Variants in PTPRK observed in about 807,000 individuals in gnomAD.
PTPRK encodes protein tyrosine phosphatase receptor type K.
PTPRK carries 75 observed loss-of-function variants against 178.0 expected under a neutral mutation model. That is an observed-to-expected ratio of 0.42 (90% CI 0.35 to 0.51). The LOEUF is 0.51. Ranked by LOEUF, PTPRK falls within the 20% of genes least tolerant of loss-of-function variation. PTPRK has a pLI of 0.02. For synonymous variants in PTPRK, 637 were observed against 620.6 expected (o/e 1.03, Z -0.39); for missense variants, 1,441 against 1,797.8 (o/e 0.80, Z 3.59).
intron 5 of PTPRK, 144 bp downstream of exon 5, chr6:128,239,891 C>G: frequency 2.1e-6 from 1 of 487,156 alleles, no homozygotes; most frequent in South Asian, 4.3e-5. Context: ...TGTAATTAAA[C>G]TCACGCAGAC....
chr6:128,172,625 A>AGT (rs973902377), intron 7 of PTPRK, among the ~76,000 whole-genome samples: 47 of 151,592 alleles, frequency 3.1e-4, no homozygotes, highest in African/African-American at 8.2e-4. Context: ...ATATATATAT[A>AGT]GTGTGTGTGT....
chr6:128,279,041 A>G (rs1401658664), intron 3 of PTPRK, among the ~76,000 whole-genome samples: 5 of 152,106 alleles, frequency 3.3e-5, no homozygotes, highest in Admixed American at 2.0e-4. Context: ...TTTAGTTCAC[A>G]AAGTGCTGTG....
intron 7 of PTPRK, among the ~76,000 whole-genome samples, chr6:128,107,602 T>G (rs1290899997): frequency 6.6e-6 from 1 of 152,214 alleles, no homozygotes; most frequent in African/African-American, 2.4e-5. Context: ...GAATGATCAG[T>G]TATTTCATCA....
At chr6:127,985,526 G>A (rs917144646) in intron 22 of PTPRK, among the ~76,000 whole-genome samples, 195 bp downstream of exon 22, 5 of 152,172 alleles carry the variant, frequency 3.3e-5, no homozygotes, top group African/African-American at 4.8e-5. Context: ...TAGGATGAAT[G>A]TATGTATTTC....
intron 1 of PTPRK, chr6:128,501,301 G>A (rs781361172): frequency 6.6e-6 from 1 of 151,972 alleles, no homozygotes; most frequent in Non-Finnish European, 1.5e-5. Context: ...TATACAAAGA[G>A]AAATCATATG....
chr6:128,274,552 C>A (rs1820419173), intron 3 of PTPRK, among the ~76,000 whole-genome samples: 1 of 152,044 alleles, frequency 6.6e-6, no homozygotes, highest in Non-Finnish European at 1.5e-5. Flanking sequence ...AAAATTATAT[C>A]ACAGCTCCTT....
intron 12 of PTPRK, 94 bp from the exon 13 acceptor site, chr6:128,064,888 C>A: frequency 3.0e-6 from 4 of 1,312,840 alleles, no homozygotes; most frequent in South Asian, 2.1e-5. Context: ...CATCTGGGGT[C>A]ATAAAAAGGG....
intron 19 of PTPRK, 98 bp from the exon 20 acceptor site, chr6:127,991,489 C>CA: frequency 1.3e-6 from 1 of 754,888 alleles, no homozygotes; most frequent in Non-Finnish European, 1.9e-6. Context: ...TAAGTAATTC[C>CA]AAAAAAGGTC....
At chr6:128,276,790 G>T (rs1820792702) in intron 3 of PTPRK, among the ~76,000 whole-genome samples, 1 of 151,970 alleles carries the variant, frequency 6.6e-6, no homozygotes, top group African/African-American at 2.4e-5. Context: ...TAAGTTGTGG[G>T]CACCGATGAG....
chr6:128,237,768 T>C (rs1413449387), intron 5 of PTPRK, among the ~76,000 whole-genome samples: 1 of 152,128 alleles, frequency 6.6e-6, no homozygotes, highest in African/African-American at 2.4e-5. Flanking sequence ...TAATCTGACA[T>C]CTGTTTGCAT....
chr6:128,388,520 A>C (rs976831786), intron 2 of PTPRK, among the ~76,000 whole-genome samples: 3 of 152,174 alleles, frequency 2.0e-5, no homozygotes, highest in Non-Finnish European at 4.4e-5. Context: ...TAAGAGATAC[A>C]ACTTCTGCCA....
intron 14 of PTPRK, among the ~76,000 whole-genome samples, chr6:128,008,480 G>A (rs1778680549): frequency 6.6e-6 from 1 of 150,874 alleles, no homozygotes; most frequent in Non-Finnish European, 1.5e-5. Flanking sequence ...TAAAAACTGT[G>A]TACTTTGAAA....
At chr6:128,478,419 G>T (rs1271969520) in intron 1 of PTPRK, among the ~76,000 whole-genome samples, 1 of 152,064 alleles carries the variant, frequency 6.6e-6, no homozygotes, top group Non-Finnish European at 1.5e-5. Flanking sequence ...TTCCGGAACT[G>T]CTCTAACCTT....
chr6:128,462,665 ATTTATTTG>A lies in PTPRK; in HGVS notation c.100+57586_100+57593del, dbSNP rs1441879821. Among the ~76,000 whole-genome samples, 4 of 144,572 alleles carry A rather than the reference ATTTATTTG, an allele frequency of 2.8e-5. No individual in the cohort carries two copies. In the East Asian group the frequency reaches 8.1e-4, roughly 29 times the overall value. The allele number at this position is 144,572 out of a possible 152,430, so 94.8% of individuals were successfully genotyped here. On this transcript the variant is annotated intron_variant, in intron 1 of 29. Transcript: ENST00000368226. ...TATTTATTTATTTATTTATTTATTT[ATTTATTTG>A]AGATGGAGTTTTGCTCTTGTTGCCC...
chr6:128,021,359 G>A (rs1773473597), intron 13 of PTPRK, among the ~76,000 whole-genome samples: 2 of 152,130 alleles, frequency 1.3e-5, no homozygotes, highest in Admixed American at 6.5e-5. Flanking sequence ...CTCTTCAGCC[G>A]GGCGCAGTGG....
At chr6:128,507,419 C>T (rs1856533381) in intron 1 of PTPRK, among the ~76,000 whole-genome samples, 1 of 152,042 alleles carries the variant, frequency 6.6e-6, no homozygotes, top group South Asian at 2.1e-4. Context: ...GTTCAAAATC[C>T]CCATTTCCTG....
chr6:128,258,392 C>A (rs894447117), intron 3 of PTPRK, among the ~76,000 whole-genome samples: 1 of 152,120 alleles, frequency 6.6e-6, no homozygotes, highest in African/African-American at 2.4e-5. Context: ...TAATATCTCT[C>A]CCTTACCTCT....
At chr6:128,314,537 A>G (rs1827738196) in intron 3 of PTPRK, among the ~76,000 whole-genome samples, 1 of 152,230 alleles carries the variant, frequency 6.6e-6, no homozygotes, top group Non-Finnish European at 1.5e-5. Context: ...GTGATTCCCA[A>G]ATCTTTTCAA....
chr6:128,297,197 C>T (rs1824607243), intron 3 of PTPRK, among the ~76,000 whole-genome samples: 1 of 152,066 alleles, frequency 6.6e-6, no homozygotes, highest in South Asian at 2.1e-4. Context: ...TATATGCACC[C>T]AACACAGGAG....
Sources: gnomAD v4.1 joint callset for allele counts (sites outside exome capture counted in the v4.1 genomes callset) on GRCh38, gnomAD v4.1.1 for gene constraint, MANE v1.5 for transcripts, NCBI Gene and HGNC (gene_info 2026-07-23, HGNC 2026-07-21) for gene names.